Variants in FLNC observed in about 807,000 individuals in gnomAD.
The protein encoded by FLNC is filamin C.
A neutral mutation model predicts 254.3 loss-of-function variants in FLNC; 91 were observed. The ratio of observed to expected loss-of-function variants is 0.36; its 90% CI spans 0.30 to 0.43. The LOEUF is 0.43. Ranked by LOEUF, FLNC falls within the 20% of genes least tolerant of loss-of-function variation. The pLI is 1.00. For synonymous variants in FLNC, 1,430 were observed against 1,577.2 expected (o/e 0.91, Z 2.21); for missense variants, 2,853 against 3,802.6 (o/e 0.75, Z 6.57).
Position 128,848,551 on chromosome 7 carries a change from G to C in FLNC, c.4581-10G>C. Reference sequence around the variant, plus strand: ...ACCCAGCCAACTGTTTATCCCTTCTGCTCCTCAAGCCCCTTCAAGATCAAG... The same window carrying C: ...ACCCAGCCAACTGTTTATCCCTTCTCCTCCTCAAGCCCCTTCAAGATCAAG... On this transcript the variant is annotated splice_polypyrimidine_tract_variant and intron_variant, in intron 26 of 47. Transcript: ENST00000325888. The C allele has an allele frequency of 1.2e-6, 2 of 1,613,630 alleles. No homozygotes were observed. Among genetic ancestry groups the C allele is most frequent in the Non-Finnish European group, 1.7e-6 (2 of 1,179,982 alleles).
At position 128,853,568 on chromosome 7, in the gene FLNC, C is replaced by T. The variant is rs1808915755; in HGVS notation, c.6308C>T (p.Thr2103Ile). 1.2e-6 allele frequency: 2 copies of T among 1,614,058 alleles called. No homozygotes were observed. Among genetic ancestry groups the T allele is most frequent in the African/African-American group, 2.7e-5 (2 of 74,928 alleles). The change falls in exon 38 of 48, where the codon ACC becomes ATC. Residue 2103 changes from threonine (T) to isoleucine (I), a missense_variant. Transcript: ENST00000325888. ...ACATGCAAAGTCACCTACTGCCCCA[C>T]CGAGCCCGGCACCTACATCATCAAC... ...DGTCKVTYCP[T>I]EPGTYIINIK...
chr7:128,850,751 A>AGGTT lies in FLNC; in HGVS notation c.5399-50_5399-47dup, dbSNP rs1218981424. ...CAGGACCAGGCCTGGGACAGCAGGG[A>AGGTT]GGTTGCAGTGGGGGAAACCAGGGTC... On this transcript the variant is annotated intron_variant, in intron 32 of 47. Coordinates refer to ENST00000325888, the MANE Select transcript of FLNC (RefSeq NM_001458.5). 13 of 1,612,316 alleles carry AGGTT rather than the reference A, an allele frequency of 8.1e-6. No homozygotes were observed. In the East Asian group the frequency reaches 2.9e-4, roughly 36 times the overall value.
intron 1 of FLNC, among the ~76,000 whole-genome samples, chr7:128,834,088 G>A (rs79347502): frequency 0.015 from 2,218 of 152,258 alleles, 64 homozygotes; most frequent in African/African-American, 0.051. Flanking sequence ...AGATGTGTAA[G>A]GGGAAGGCTC....
chr7:128,833,152 T>G (rs923023123), intron 1 of FLNC, among the ~76,000 whole-genome samples: 1 of 152,206 alleles, frequency 6.6e-6, no homozygotes, highest in Non-Finnish European at 1.5e-5. Context: ...TGGCCCCCCG[T>G]TGCCCCTCGT....
In FLNC at chr7:128,844,937, G is replaced by T; in HGVS notation, c.3472G>T (p.Val1158Leu). The T allele has an allele frequency of 6.2e-7, 1 of 1,613,896 alleles. No individual in the cohort carries two copies. The highest frequency in any genetic ancestry group is 1.1e-5 in the South Asian group (1 of 91,086). Residue 1158 changes from valine (V) to leucine (L), a missense_variant, in exon 21 of 48, where the codon GTG (valine) becomes TTG (leucine). Val to Leu is a conservative substitution (Grantham distance 32). Around this residue, in one of 10 missense-constraint regions of FLNC, gnomAD observed 1,573 missense variants for 1,883.5 expected, o/e 0.84. Transcript: ENST00000325888. Reference protein sequence around the residue: ...TIRPVFDPSKVRASGPGLERG... With the variant: ...TIRPVFDPSKLRASGPGLERG... ...TCGGCCTGTGTTTGACCCGAGCAAG[G>T]TGCGGGCCAGTGGACCGGGCCTGGA...
chr7:128,852,417 C>T (rs561285114), intron 35 of FLNC, among the ~76,000 whole-genome samples, 174 bp from the exon 36 acceptor site: 1 of 151,472 alleles, frequency 6.6e-6, no homozygotes, highest in African/African-American at 2.4e-5. Flanking sequence ...TAGTCTCTGG[C>T]AGCTCACATG....
intron 23 of FLNC, 104 bp downstream of exon 23, chr7:128,846,567 C>A: frequency 6.8e-7 from 1 of 1,478,500 alleles, no homozygotes; most frequent in South Asian, 1.1e-5. Context: ...CCCATCCTCT[C>A]TCAGGGGTGA....
In FLNC at chr7:128,840,175, C is replaced by T. The variant is rs181134489; in HGVS notation, c.1549+15C>T. 5 of 1,613,328 alleles carry T rather than the reference C, an allele frequency of 3.1e-6. No individual in the cohort carries two copies. In the South Asian group the frequency reaches 5.5e-5, roughly 18 times the overall value. ...CAAGGGGCCAAGTGAGTGCCAGAGC[C>T]CAGGGTCGTGAGGGTGGGGCTGGGG... On this transcript the variant is annotated intron_variant, in intron 9 of 47. Transcript: ENST00000325888.
At position 128,853,025 on chromosome 7, in the gene FLNC, A is replaced by G. The variant is rs1808889773; in HGVS notation, c.6202A>G (p.Asn2068Asp). ...QVAEFIVDTR[N>D]AGYGGLGLSI... Reference sequence around the variant, plus strand: ...GGCAGAGTTCATCGTGGACACTCGCAATGCAGGTACCTCCTGCCCCAGAGA... The same window carrying G: ...GGCAGAGTTCATCGTGGACACTCGCGATGCAGGTACCTCCTGCCCCAGAGA... The change falls in exon 37 of 48, where the codon AAT becomes GAT. Residue 2068 changes from asparagine to aspartate, a missense_variant. By Grantham distance (23) the Asn-to-Asp change is conservative. This residue lies in a region of FLNC where 551 missense variants were observed against 835.0 expected (regional missense o/e 0.66). Transcript: ENST00000325888. The G allele has an allele frequency of 1.2e-6, 2 of 1,612,954 alleles. No individual in the cohort carries two copies. The highest frequency in any genetic ancestry group is 1.7e-5 in the Admixed American group (1 of 60,004).
rs757587429 is a variant in FLNC at position 128,846,198 on chromosome 7, T to C, written c.3964+35T>C. ...GGTGGGCCAGGCTAGTGGGCAGGGC[T>C]GGGCAAGTGGGCAGGGCCGGGATCT... On this transcript the variant is annotated intron_variant, in intron 22 of 47. Transcript: ENST00000325888. 28 of 1,613,110 alleles carry C rather than the reference T, an allele frequency of 1.7e-5. No individual in the cohort carries two copies. In the African/African-American group the frequency reaches 2.0e-4, roughly 12 times the overall value.
rs528622862 is a variant in FLNC at position 128,837,824 on chromosome 7, C to T, written c.969+69C>T. 3.5e-6 allele frequency: 5 copies of T among 1,440,890 alleles called. No individual in the cohort carries two copies. The African/African-American group carries it at 5.6e-5, about 16-fold the overall frequency. 89.3% of individuals were successfully genotyped at this position (1,440,890 alleles called of 1,614,324 possible). A position where few individuals can be genotyped will look rare whatever the true frequency, so the allele number is the denominator to read the frequency against. ...GAACCAGAGAGCGTGGGGCCAACAA[C>T]AGGAATGGCCCGGAGGTGACTGCCA... On this transcript the variant is annotated intron_variant, in intron 5 of 47. Coordinates refer to ENST00000325888, the MANE Select transcript of FLNC (RefSeq NM_001458.5).
Position 128,852,719 on chromosome 7 carries a change from T to C in FLNC, c.5971T>C (p.Cys1991Arg). Residue 1991 changes from cysteine to arginine, a missense_variant, in exon 36 of 48, where the codon TGC becomes CGC. Transcript: ENST00000325888. ...TGCCCCCTCGGGCAACGAGGAGCCC[T>C]GCCTGCTGAAGCGCCTGCCCAACCG... ...IRAPSGNEEP[C>R]LLKRLPNRHI... 2 of 1,613,164 alleles carry C rather than the reference T, an allele frequency of 1.2e-6. No individual in the cohort carries two copies. Among genetic ancestry groups the C allele is most frequent in the Non-Finnish European group, 1.7e-6 (2 of 1,179,796 alleles).
chr7:128,855,155 C>A, intron 42 of FLNC, 44 bp from the exon 43 acceptor site: 1 of 1,415,162 alleles, frequency 7.1e-7, no homozygotes, highest in Non-Finnish European at 1.0e-6. Flanking sequence ...CCCGCCCTGC[C>A]AACCTCCATC....
In FLNC at chr7:128,837,766, G is replaced by A; in HGVS notation, c.969+11G>A. 2 of 1,561,686 alleles carry A rather than the reference G, an allele frequency of 1.3e-6. No homozygotes were observed. Among genetic ancestry groups the A allele is most frequent in the South Asian group, 1.2e-5 (1 of 86,592 alleles). The stretch of plus-strand genomic sequence containing the variant: ...GGCCACACCGAGGAGGTATGCAGAG[G>A]CCGCTGGGGACAGAGGGATTCACTT... On this transcript the variant is annotated intron_variant, in intron 5 of 47. Transcript: ENST00000325888.
Position 128,844,306 on chromosome 7 carries a change from C to T in FLNC, c.3192+40C>T, listed in dbSNP as rs376641650. ...GCTGGTTGGGGCTGGGAGTTGGGGA[C>T]TTGTTGGGAAGATAGATGAGTCATA... is the stretch of plus-strand genomic sequence containing the variant. On this transcript the variant is annotated intron_variant, in intron 20 of 47. Coordinates refer to ENST00000325888, the MANE Select transcript of FLNC (RefSeq NM_001458.5). The T allele has an allele frequency of 1.5e-5, 24 of 1,572,556 alleles. No individual in the cohort carries two copies. The African/African-American group carries it at 3.1e-4, about 20-fold the overall frequency.
chr7:128,850,897 A>T lies in FLNC; in HGVS notation c.5493A>T (p.Lys1831Asn). The T allele has an allele frequency of 6.2e-7, 1 of 1,613,092 alleles. No homozygotes were observed. The highest frequency in any genetic ancestry group is 1.1e-5 in the South Asian group (1 of 90,988). ...CGGTGAGGTATGCACCCACTGAGAA[A>T]GGCCTGCACCAGATGGGGATCAAGT... ...TITVRYAPTE[K>N]GLHQMGIKYD... Residue 1831 changes from lysine to asparagine, a missense_variant, in exon 33 of 48, where the codon AAA becomes AAT. Lys to Asn is a moderately conservative substitution (Grantham distance 94). Transcript: ENST00000325888.
intron 43 of FLNC, among the ~76,000 whole-genome samples, chr7:128,855,627 A>C (rs1426038799): frequency 6.6e-6 from 1 of 152,230 alleles, no homozygotes; most frequent in Non-Finnish European, 1.5e-5. Flanking sequence ...GACAACATTT[A>C]TAAGAATGAG....
In FLNC at chr7:128,837,282, G is replaced by A. The variant is rs774595051; in HGVS notation, c.699+25G>A. The A allele has an allele frequency of 1.7e-5, 26 of 1,562,188 alleles. 1 individual carries two copies. In the South Asian group the frequency reaches 3.0e-4, roughly 18 times the overall value. On this transcript the variant is annotated intron_variant, in intron 3 of 47. Coordinates refer to ENST00000325888, the MANE Select transcript of FLNC (RefSeq NM_001458.5). ...GGTACATGCGCAGATGGGGCAGGGG[G>A]GAAAGGGGGCAGGGGCAGAGGTTGG... is the stretch of plus-strand genomic sequence containing the variant.
At chr7:128,846,620 A>G in intron 23 of FLNC, 125 bp from the exon 24 acceptor site, 2 of 1,340,818 alleles carry the variant, frequency 1.5e-6, no homozygotes, top group Non-Finnish European at 1.0e-6. Flanking sequence ...TGGCCCCTGT[A>G]GCTCGTTTCT....
Sources: gnomAD v4.1 joint callset for allele counts (sites outside exome capture counted in the v4.1 genomes callset) on GRCh38, gnomAD v4.1.1 for gene constraint, gnomAD v4.1.1 regional missense constraint, MANE v1.5 for transcripts, NCBI Gene and HGNC (gene_info 2026-07-23, HGNC 2026-07-21) for gene names.